Variants in TENM4 observed in about 807,000 individuals in gnomAD.
TENM4 encodes teneurin transmembrane protein 4.
Under a neutral mutation model 243.3 loss-of-function variants are expected in TENM4, and 82 were observed. That is an observed-to-expected ratio of 0.34 (90% CI 0.28 to 0.40). The LOEUF is 0.40. Ranked by LOEUF, TENM4 falls within the 10% of genes least tolerant of loss-of-function variation. TENM4 has a pLI of 1.00. For missense variants in TENM4, 3,138 were observed against 3,673.3 expected, an observed-to-expected ratio of 0.85 and a Z score of 3.77; for synonymous variants, 1,412 against 1,456.3, an observed-to-expected ratio of 0.97 and a Z score of 0.69.
At chr11:78,752,250 A>G (rs763572059) in intron 19 of TENM4, among the ~76,000 whole-genome samples, 25 of 152,218 alleles carry the variant, frequency 1.6e-4, no homozygotes, top group Admixed American at 1.4e-3. Flanking sequence ...GGAGGCCTTC[A>G]TCACTCCAGG....
Position 78,805,277 on chromosome 11 carries a change from T to TGCCCCCCCCCCCCCACCCC in TENM4, c.2179+14_2179+15insGGGGTGGGGGGGGGGGGGC. ...CCCCTCCCTCTACCCATGCTTCTTC[T>TGCCCCCCCCCCCCCACCCC]CCCCCTGCATTTACCGATAGAACAG... On this transcript the variant is annotated intron_variant, in intron 15 of 33. Coordinates refer to ENST00000278550, the MANE Select transcript of TENM4 (RefSeq NM_001098816.3). 1 of 1,402,550 alleles carries TGCCCCCCCCCCCCCACCCC rather than the reference T, an allele frequency of 7.1e-7. No individual in the cohort carries two copies. 86.9% of individuals were successfully genotyped at this position (1,402,550 alleles called of 1,614,324 possible). A position where few individuals can be genotyped will look rare whatever the true frequency, so the allele number is the denominator to read the frequency against.
chr11:79,192,406 A>T (rs1043185507), intron 3 of TENM4, among the ~76,000 whole-genome samples: 22 of 152,188 alleles, frequency 1.4e-4, no homozygotes, highest in Non-Finnish European at 2.8e-4. Flanking sequence ...GAGACTTTTC[A>T]TTTTGTTCTG....
intron 1 of TENM4, among the ~76,000 whole-genome samples, chr11:79,417,475 A>C (rs1858842184): frequency 6.6e-6 from 1 of 152,198 alleles, no homozygotes; most frequent in Non-Finnish European, 1.5e-5. Context: ...ACATGACCAC[A>C]GTGGTAGTAA....
chr11:79,118,534 C>A (rs1861670437), intron 4 of TENM4, among the ~76,000 whole-genome samples: 1 of 152,112 alleles, frequency 6.6e-6, no homozygotes, highest in Non-Finnish European at 1.5e-5. Context: ...AAACTCCATA[C>A]CCATTAGACA....
chr11:78,995,034 G>C (rs1192884304), intron 6 of TENM4, among the ~76,000 whole-genome samples: 1 of 152,208 alleles, frequency 6.6e-6, no homozygotes, highest in Non-Finnish European at 1.5e-5. Context: ...AGTGAGTGAG[G>C]TGACAAAGTT....
intron 1 of TENM4, among the ~76,000 whole-genome samples, chr11:79,311,205 A>G (rs1856716196): frequency 1.3e-5 from 2 of 152,204 alleles, no homozygotes; most frequent in Admixed American, 1.3e-4. Context: ...TAATTAGTAC[A>G]CTGAATTCCC....
chr11:78,918,306 G>C (rs1036215288), intron 6 of TENM4, among the ~76,000 whole-genome samples: 1 of 152,126 alleles, frequency 6.6e-6, no homozygotes, highest in Non-Finnish European at 1.5e-5. Context: ...ACAAACCCCA[G>C]AGTCAAGGCA....
intron 1 of TENM4, among the ~76,000 whole-genome samples, chr11:79,310,885 C>G (rs748567085): frequency 2.6e-5 from 4 of 152,218 alleles, no homozygotes; most frequent in Admixed American, 1.3e-4. Context: ...CCACTCACTA[C>G]AGCAACTAAG....
At chr11:78,788,139 C>T (rs1856977982) in intron 15 of TENM4, among the ~76,000 whole-genome samples, 1 of 152,220 alleles carries the variant, frequency 6.6e-6, no homozygotes, top group Admixed American at 6.5e-5. Context: ...ATTTGCTCAT[C>T]TCCCTTCCAA....
intron 6 of TENM4, among the ~76,000 whole-genome samples, chr11:78,974,503 A>T (rs1857608059): frequency 6.6e-6 from 1 of 152,134 alleles, no homozygotes; most frequent in African/African-American, 2.4e-5. Flanking sequence ...AAAACTGATT[A>T]TTTTGATTTT....
Position 78,653,844 on chromosome 11 carries a change from G to A in TENM4, c.*4214C>T, listed in dbSNP as rs1310883786. ...CCTCGCCTGGGCCTTCCCACACTCT[G>A]ATATTCCACATTCGTAATGAAACCT... On this transcript the variant is annotated 3_prime_UTR_variant, in exon 34 of 34. Transcript: ENST00000278550. The A allele has an allele frequency of 6.6e-6, 1 of 152,274 alleles. No homozygotes were observed. Among genetic ancestry groups the A allele is most frequent in the Non-Finnish European group, 1.5e-5 (1 of 68,070 alleles). 9.4% of individuals were successfully genotyped at this position (152,274 alleles called of 1,614,324 possible). A position where few individuals can be genotyped will look rare whatever the true frequency, so the allele number is the denominator to read the frequency against.
chr11:79,231,261 T>C (rs1040194976), intron 2 of TENM4, among the ~76,000 whole-genome samples: 4 of 152,162 alleles, frequency 2.6e-5, no homozygotes, highest in African/African-American at 9.7e-5. Flanking sequence ...CAAACAGACA[T>C]GGCTGGGTTA....
At chr11:78,796,758 C>T (rs1287399922) in intron 15 of TENM4, among the ~76,000 whole-genome samples, 1 of 152,214 alleles carries the variant, frequency 6.6e-6, no homozygotes, top group African/African-American at 2.4e-5. Flanking sequence ...AGCTAAGCCA[C>T]TTCAAGCTAC....
At chr11:78,821,002 A>G (rs1298200039) in intron 12 of TENM4, among the ~76,000 whole-genome samples, 1 of 152,204 alleles carries the variant, frequency 6.6e-6, no homozygotes, top group Non-Finnish European at 1.5e-5. Context: ...CAGACGATGG[A>G]ATTCAAAGGC....
At chr11:79,247,373 C>T (rs1241701114) in intron 2 of TENM4, among the ~76,000 whole-genome samples, 4 of 144,468 alleles carry the variant, frequency 2.8e-5, no homozygotes, top group South Asian at 2.2e-4. Flanking sequence ...GCTGAGATCA[C>T]GCCACTGCAT....
intron 9 of TENM4, among the ~76,000 whole-genome samples, chr11:78,880,282 T>C (rs1231114375): frequency 6.6e-6 from 1 of 151,966 alleles, no homozygotes; most frequent in African/African-American, 2.4e-5. Flanking sequence ...CATCACCACT[T>C]CCTAATCTCA....
chr11:79,036,510 C>T (rs1859382201), intron 6 of TENM4, among the ~76,000 whole-genome samples: 1 of 152,232 alleles, frequency 6.6e-6, no homozygotes, highest in African/African-American at 2.4e-5. Flanking sequence ...CAGTGTACCA[C>T]ACTCCTGAGA....
chr11:78,966,421 G>C (rs928142001), intron 6 of TENM4, among the ~76,000 whole-genome samples: 3 of 152,122 alleles, frequency 2.0e-5, no homozygotes, highest in African/African-American at 7.2e-5. Flanking sequence ...GATCACGAAA[G>C]TATGGCAAAT....
At chr11:79,173,518 A>C (rs928997551) in intron 3 of TENM4, among the ~76,000 whole-genome samples, 1 of 152,144 alleles carries the variant, frequency 6.6e-6, no homozygotes, top group African/African-American at 2.4e-5. Context: ...TCCAATTATC[A>C]AGCCTATTTA....
Sources: gnomAD v4.1 joint callset for allele counts (sites outside exome capture counted in the v4.1 genomes callset) on GRCh38, gnomAD v4.1.1 for gene constraint, MANE v1.5 for transcripts, NCBI Gene and HGNC (gene_info 2026-07-23, HGNC 2026-07-21) for gene names.